Variants in ZNF90 observed in about 807,000 individuals in gnomAD.
The protein encoded by ZNF90 is zinc finger protein HTF9.
ZNF90 carries 11 observed loss-of-function variants against 12.0 expected under a neutral mutation model. The ratio of observed to expected loss-of-function variants is 0.92; its 90% CI spans 0.58 to 1.52. ZNF90 has a LOEUF of 1.52. Ranked by LOEUF, ZNF90 falls within the 40% of genes most tolerant of loss-of-function variation. The pLI is 0.00. For missense variants in ZNF90, 765 were observed against 711.5 expected (o/e 1.08, Z -0.86); for synonymous variants, 232 against 240.1 (o/e 0.97, Z 0.31).
At chr19:20,082,500 G>C (rs529843865) in intron 1 of ZNF90, among the ~76,000 whole-genome samples, 63 of 152,316 alleles carry the variant, frequency 4.1e-4, no homozygotes, top group African/African-American at 1.5e-3. Flanking sequence ...AACATGTGCT[G>C]TGTCCACTCA....
intron 2 of ZNF90, among the ~76,000 whole-genome samples, chr19:20,104,830 A>G (rs2089019418): frequency 1.3e-5 from 2 of 152,190 alleles, no homozygotes; most frequent in African/African-American, 4.8e-5. Flanking sequence ...CTCTGTCTCT[A>G]CTAAAAACAT....
At chr19:20,082,860 T>C (rs558833046) in intron 1 of ZNF90, among the ~76,000 whole-genome samples, 2 of 152,318 alleles carry the variant, frequency 1.3e-5, no homozygotes, top group African/African-American at 4.8e-5. Flanking sequence ...CAATGGAATG[T>C]CTCAGTGTAA....
intron 3 of ZNF90, among the ~76,000 whole-genome samples, chr19:20,116,130 C>A (rs1476103468): frequency 6.6e-6 from 1 of 152,126 alleles, no homozygotes; most frequent in African/African-American, 2.4e-5. Context: ...ACCTCAGGCT[C>A]CTAAATTGCT....
intron 1 of ZNF90, among the ~76,000 whole-genome samples, chr19:20,095,599 G>T (rs999192021): frequency 4.6e-5 from 7 of 151,898 alleles, no homozygotes; most frequent in Non-Finnish European, 1.0e-4. Context: ...TTGGGGCACA[G>T]AGATAAGAGG....
In ZNF90 at chr19:20,100,003, G is replaced by A. The variant is rs371091497; in HGVS notation, c.4-4236G>A. On this transcript the variant is annotated intron_variant, in intron 1 of 3. Coordinates refer to ENST00000418063, the MANE Select transcript of ZNF90 (RefSeq NM_007138.2). ...GAAAGGAAATGAAAAGGAAATAGAAGTGAACCGCCAAGCGGATACTGAAGC... is the reference window on the plus strand; with the variant it reads ...GAAAGGAAATGAAAAGGAAATAGAAATGAACCGCCAAGCGGATACTGAAGC... Among the ~76,000 whole-genome samples the A allele has an allele frequency of 2.2e-4, 34 of 152,242 alleles. 2 individuals carry two copies. The South Asian group carries it at 7.1e-3, about 32-fold the overall frequency.
At chr19:20,092,465 T>C (rs1259345231) in intron 1 of ZNF90, among the ~76,000 whole-genome samples, 1 of 152,112 alleles carries the variant, frequency 6.6e-6, no homozygotes, top group Admixed American at 6.5e-5. Context: ...TGAAAAGGGT[T>C]GGGATGAGTC....
chr19:20,105,608 T>A (rs2089029599), intron 3 of ZNF90, among the ~76,000 whole-genome samples: 1 of 152,198 alleles, frequency 6.6e-6, no homozygotes, highest in Non-Finnish European at 1.5e-5. Flanking sequence ...ATCTGGCTGC[T>A]TTTACATCGT....
intron 1 of ZNF90, 82 bp downstream of exon 1, chr19:20,078,217 C>A: frequency 6.4e-7 from 1 of 1,569,582 alleles, no homozygotes; most frequent in Non-Finnish European, 8.7e-7. Context: ...GGACTTAGGC[C>A]TCCCCGCAGT....
At chr19:20,085,045 TTTTAAG>T (rs2088847879) in intron 1 of ZNF90, among the ~76,000 whole-genome samples, 3 of 152,138 alleles carry the variant, frequency 2.0e-5, no homozygotes, top group Admixed American at 2.0e-4. Flanking sequence ...TTTCTTATAA[TTTTAAG>T]TTTTTCATTT....
chr19:20,105,111 A>G (rs1555704253), intron 2 of ZNF90, 110 bp from the exon 3 acceptor site: 4 of 650,098 alleles, frequency 6.2e-6, no homozygotes, highest in Middle Eastern at 6.1e-4. Context: ...TTATAACTCT[A>G]TTTTGGAATT....
At chr19:20,117,002 GC>G (rs2089142336) in intron 3 of ZNF90, among the ~76,000 whole-genome samples, 4 of 135,296 alleles carry the variant, frequency 3.0e-5, no homozygotes, top group African/African-American at 1.3e-4. Flanking sequence ...AAAAGAATTG[GC>G]AACTTACATT....
chr19:20,079,115 C>CAAAAA lies in ZNF90; in HGVS notation c.3+998_3+1002dup, dbSNP rs139573879. Among the ~76,000 whole-genome samples the CAAAAA allele has an allele frequency of 8.7e-3, 597 of 68,752 alleles. 8 individuals are homozygous for CAAAAA. The highest frequency in any genetic ancestry group is 0.025 in the African/African-American group (570 of 23,064). The allele number at this position is 68,752 out of a possible 152,430, so 45.1% of individuals were successfully genotyped here. The stretch of plus-strand genomic sequence containing the variant: ...GCATGCGCGACAGAGGGAGAGTCCT[C>CAAAAA]AAAAAAAAAAAAAAAAAAAAAAGTA... On this transcript the variant is annotated intron_variant, in intron 1 of 3. Coordinates refer to ENST00000418063, the MANE Select transcript of ZNF90 (RefSeq NM_007138.2).
chr19:20,081,123 A>G (rs2088816935), intron 1 of ZNF90, among the ~76,000 whole-genome samples: 1 of 152,080 alleles, frequency 6.6e-6, no homozygotes, highest in Non-Finnish European at 1.5e-5. Flanking sequence ...AAACACACAC[A>G]CTAGACATAG....
chr19:20,080,276 C>T, intron 1 of ZNF90: 2 of 574,486 alleles, frequency 3.5e-6, no homozygotes, highest in Non-Finnish European at 6.9e-6. Context: ...CGGACTAGCT[C>T]GTTATTAGAT....
intron 1 of ZNF90, among the ~76,000 whole-genome samples, chr19:20,099,198 G>T (rs782207120): frequency 6.6e-6 from 1 of 151,468 alleles, no homozygotes; most frequent in Non-Finnish European, 1.5e-5. Flanking sequence ...TTTTGAGATG[G>T]TGTCTCACTG....
At chr19:20,117,346 T>C (rs1025030918) in intron 3 of ZNF90, among the ~76,000 whole-genome samples, 2 of 151,994 alleles carry the variant, frequency 1.3e-5, no homozygotes, top group African/African-American at 2.4e-5. Context: ...GGAAATTTCT[T>C]TTTCTTTGTT....
At chr19:20,112,674 T>A (rs2089100441) in intron 3 of ZNF90, among the ~76,000 whole-genome samples, 1 of 152,130 alleles carries the variant, frequency 6.6e-6, no homozygotes, top group African/African-American at 2.4e-5. Context: ...CCTCTTAACT[T>A]TTATTTTGGA....
At chr19:20,084,736 G>A (rs982026344) in intron 1 of ZNF90, among the ~76,000 whole-genome samples, 2 of 152,168 alleles carry the variant, frequency 1.3e-5, no homozygotes, top group African/African-American at 4.8e-5. Context: ...TTTCTCTAAT[G>A]ATTAGCGATG....
chr19:20,109,159 A>C (rs1275479162), intron 3 of ZNF90, among the ~76,000 whole-genome samples: 3 of 152,218 alleles, frequency 2.0e-5, no homozygotes, highest in African/African-American at 4.8e-5. Flanking sequence ...CATCTCTATC[A>C]CAGTCAGATT....
Sources: gnomAD v4.1 joint callset for allele counts (sites outside exome capture counted in the v4.1 genomes callset) on GRCh38, gnomAD v4.1.1 for gene constraint, MANE v1.5 for transcripts, NCBI Gene and HGNC (gene_info 2026-07-23, HGNC 2026-07-21) for gene names.